PAPSS2: variants seen among roughly 807,000 people sequenced by gnomAD.
The protein encoded by PAPSS2 is bifunctional 3'-phosphoadenosine 5'-phosphosulfate synthase 2.
In PAPSS2, 61 loss-of-function variants were observed where a neutral mutation model predicts 66.5. The ratio of observed to expected loss-of-function variants is 0.92; its 90% CI spans 0.75 to 1.14. PAPSS2 has a LOEUF of 1.14. PAPSS2 is among the 50% of genes most tolerant of loss of function. The pLI, the probability that PAPSS2 is intolerant of heterozygous loss-of-function variation, is 0.00. For synonymous variants in PAPSS2, 289 were observed against 287.5 expected, an observed-to-expected ratio of 1.01 and a Z score of -0.05; for missense variants, 708 against 789.6, an observed-to-expected ratio of 0.90 and a Z score of 1.24.
chr10:87,734,072 A>T (rs12764439), intron 9 of PAPSS2, among the ~76,000 whole-genome samples: 3 of 151,836 alleles, frequency 2.0e-5, no homozygotes, highest in Non-Finnish European at 2.9e-5. Context: ...TTACTCCCCC[A>T]TAATCTCCCA....
chr10:87,683,088 TTTTTTC>T (rs1163099497), intron 1 of PAPSS2, among the ~76,000 whole-genome samples: 160 of 123,910 alleles, frequency 1.3e-3, no homozygotes, highest in African/African-American at 4.4e-3. Context: ...TTCCTTTTTC[TTTTTTC>T]TTTTTTTTTT....
Position 87,745,977 on chromosome 10 carries a change from G to A in PAPSS2, c.*7G>A. On this transcript the variant is annotated 3_prime_UTR_variant, in exon 13 of 13. Transcript: ENST00000456849. ...GTCCCTGGAGAAGAACTAAGCCTTT[G>A]GCTCCAGAGTTTCTTTCTGAAGTGC... 1.2e-6 allele frequency: 2 copies of A among 1,613,716 alleles called. No individual in the cohort carries two copies. Among genetic ancestry groups the A allele is most frequent in the South Asian group, 2.2e-5 (2 of 91,068 alleles).
chr10:87,662,390 T>C (rs1462351451), intron 1 of PAPSS2, among the ~76,000 whole-genome samples: 1 of 152,154 alleles, frequency 6.6e-6, no homozygotes, highest in East Asian at 1.9e-4. Context: ...GGATGACTTT[T>C]TCATAAGCTT....
In PAPSS2 at chr10:87,727,305, T is replaced by A. The variant is rs1308403790; in HGVS notation, c.902T>A (p.Ile301Asn). The part of the protein sequence containing the change: ...ALPDGVINMS[I>N]PIVLPVSAED... ...ACAGATGGCGTGATCAACATGAGCA[T>A]CCCCATTGTACTGCCCGTCTCTGCA... is the stretch of plus-strand genomic sequence containing the variant. Residue 301 changes from isoleucine to asparagine, a missense_variant, in exon 9 of 13, where the codon ATC becomes AAC. Coordinates refer to ENST00000456849, the MANE Select transcript of PAPSS2 (RefSeq NM_001015880.2). The A allele has an allele frequency of 6.2e-7, 1 of 1,613,440 alleles. No homozygotes were observed. The highest frequency in any genetic ancestry group is 1.1e-5 in the South Asian group (1 of 91,034).
chr10:87,683,019 A>G (rs775716196), intron 1 of PAPSS2, among the ~76,000 whole-genome samples: 2 of 150,942 alleles, frequency 1.3e-5, no homozygotes, highest in Non-Finnish European at 3.0e-5. Flanking sequence ...TAGGCCCAGA[A>G]CCACTTGAGT....
chr10:87,709,236 A>G lies in PAPSS2; in HGVS notation c.68A>G (p.His23Arg), dbSNP rs1360739962. The change falls in exon 2 of 13, where the codon CAC (histidine) becomes CGC (arginine). Residue 23 changes from histidine (H) to arginine (R), a missense_variant. Coordinates refer to ENST00000456849, the MANE Select transcript of PAPSS2 (RefSeq NM_001015880.2). ...TCCACCAATGTAGTCTATCAGGCCC[A>G]CCATGTGAGCAGGAATAAGAGAGGG... ...QKSTNVVYQA[H>R]HVSRNKRGQV... 1 of 1,613,644 alleles carries G rather than the reference A, an allele frequency of 6.2e-7. No homozygotes were observed. Among genetic ancestry groups the G allele is most frequent in the Non-Finnish European group, 8.5e-7 (1 of 1,179,644 alleles).
chr10:87,710,084 A>T (rs1589433554), intron 2 of PAPSS2, among the ~76,000 whole-genome samples: 1 of 152,218 alleles, frequency 6.6e-6, no homozygotes, highest in African/African-American at 2.4e-5. Context: ...CATAGACAAC[A>T]GTTTTCAAAT....
rs190559647 is a variant in PAPSS2 at position 87,712,074 on chromosome 10, T to A, written c.146-1001T>A. Reference sequence around the variant, plus strand: ...CCTCATATGGAAATTACAAAGTGTGTTCCTGATCATTGTGCTTTGAAACCA... The same window carrying A: ...CCTCATATGGAAATTACAAAGTGTGATCCTGATCATTGTGCTTTGAAACCA... On this transcript the variant is annotated intron_variant, in intron 2 of 12. Transcript: ENST00000456849. Among the ~76,000 whole-genome samples the A allele has an allele frequency of 1.3e-3, 202 of 152,300 alleles. 3 individuals are homozygous for A. The highest frequency in any genetic ancestry group is 0.01 in the Middle Eastern group (3 of 294).
chr10:87,701,424 C>T (rs1853314805), intron 1 of PAPSS2, among the ~76,000 whole-genome samples: 1 of 125,824 alleles, frequency 7.9e-6, no homozygotes, highest in African/African-American at 3.5e-5. Flanking sequence ...CTCTCTCTCT[C>T]TCTCTCTCTT....
At chr10:87,714,208 AC>A in intron 4 of PAPSS2, 26 bp downstream of exon 4, 1 of 1,609,378 alleles carries the variant, frequency 6.2e-7, no homozygotes, top group Non-Finnish European at 8.5e-7. Context: ...AGTAGCGTCT[AC>A]CAGTTACATA....
intron 1 of PAPSS2, among the ~76,000 whole-genome samples, chr10:87,676,749 G>A (rs1040518443): frequency 4.0e-5 from 6 of 151,880 alleles, no homozygotes; most frequent in African/African-American, 1.5e-4. Flanking sequence ...GCACATGCCT[G>A]TAGACACAGC....
At chr10:87,704,761 C>T (rs1488510726) in intron 1 of PAPSS2, among the ~76,000 whole-genome samples, 1 of 152,120 alleles carries the variant, frequency 6.6e-6, no homozygotes, top group East Asian at 1.9e-4. Flanking sequence ...CCTGCCTCAG[C>T]CTCTCAAGTA....
chr10:87,736,638 A>C (rs1161617046), intron 9 of PAPSS2, among the ~76,000 whole-genome samples: 2 of 152,192 alleles, frequency 1.3e-5, no homozygotes, highest in African/African-American at 4.8e-5. Flanking sequence ...GGCCCAGAGC[A>C]AGAATACAAA....
chr10:87,689,190 A>G (rs1853131733), intron 1 of PAPSS2, among the ~76,000 whole-genome samples: 1 of 150,310 alleles, frequency 6.7e-6, no homozygotes, highest in Non-Finnish European at 1.5e-5. Context: ...AAAATACAAA[A>G]TTAGCCGGGC....
At position 87,715,086 on chromosome 10, in the gene PAPSS2, A is replaced by G. The variant is rs1408392332; in HGVS notation, c.741A>G (p.Leu247=). ...CTGAGGCTGAAACTCTCCCTTCATT[A>G]TCAATTACTAAGGTAAGTGGGTGCA... ...VRAEAETLPS[L]SITKLDLQWV... is the part of the protein sequence containing the mutation. The change falls in exon 6 of 13, where the codon TTA becomes TTG. Residue 247 remains leucine, a synonymous_variant. Coordinates refer to ENST00000456849, the MANE Select transcript of PAPSS2 (RefSeq NM_001015880.2). 1 of 1,594,990 alleles carries G rather than the reference A, an allele frequency of 6.3e-7. No individual in the cohort carries two copies. The highest frequency in any genetic ancestry group is 2.2e-5 in the East Asian group (1 of 44,772).
At chr10:87,685,893 T>C (rs576201465) in intron 1 of PAPSS2, among the ~76,000 whole-genome samples, 1 of 152,250 alleles carries the variant, frequency 6.6e-6, no homozygotes, top group Non-Finnish European at 1.5e-5. Flanking sequence ...GCGGTTCAAA[T>C]TGTGGTTGGA....
At chr10:87,744,897 C>T in intron 11 of PAPSS2, 105 bp from the exon 12 acceptor site, 2 of 934,256 alleles carry the variant, frequency 2.1e-6, no homozygotes, top group Non-Finnish European at 3.4e-6. Flanking sequence ...TTAGTTGACT[C>T]ACATTGCTGA....
At chr10:87,670,859 T>C (rs1032023725) in intron 1 of PAPSS2, among the ~76,000 whole-genome samples, 8 of 152,208 alleles carry the variant, frequency 5.3e-5, no homozygotes, top group African/African-American at 1.9e-4. Flanking sequence ...TTCTTCTCAG[T>C]GTTGAGGCTG....
chr10:87,693,236 C>T (rs1853192993), intron 1 of PAPSS2, among the ~76,000 whole-genome samples: 1 of 152,156 alleles, frequency 6.6e-6, no homozygotes, highest in Non-Finnish European at 1.5e-5. Flanking sequence ...GGCCTTGAGC[C>T]AGGCTGGCAT....
Sources: gnomAD v4.1 joint callset for allele counts (sites outside exome capture counted in the v4.1 genomes callset) on GRCh38, gnomAD v4.1.1 for gene constraint, MANE v1.5 for transcripts, NCBI Gene and HGNC (gene_info 2026-07-23, HGNC 2026-07-21) for gene names.